The following TBXA2R variants were observed in gnomAD, a reference collection of about 807,000 sequenced individuals.
TBXA2R encodes the protein prostanoid TP receptor.
TBXA2R carries 15 observed loss-of-function variants against 15.6 expected under a neutral mutation model. The observed-to-expected ratio is 0.96, with a 90% CI of 0.64 to 1.48. TBXA2R has a LOEUF of 1.48. Ranked by LOEUF, TBXA2R falls within the 40% of genes most tolerant of loss-of-function variation. The pLI, the probability that TBXA2R is intolerant of heterozygous loss-of-function variation, is 0.00. For missense variants in TBXA2R, 506 were observed against 491.4 expected, an observed-to-expected ratio of 1.03 and a Z score of -0.28; for synonymous variants, 280 against 241.2, an observed-to-expected ratio of 1.16 and a Z score of -1.49.
At position 3,600,552 on chromosome 19, in the gene TBXA2R, G is replaced by A; in HGVS notation, c.83C>T (p.Pro28Leu). Residue 28 changes from proline to leucine, a missense_variant, in exon 2 of 3, where the codon CCC becomes CTC. By Grantham distance (98) the Pro-to-Leu change is moderately conservative (BLOSUM62 -3). Coordinates refer to ENST00000375190, the MANE Select transcript of TBXA2R (RefSeq NM_001060.6). ...TLEERRLIAS[P>L]WFAASFCVVG... ...CACGCAGAAGGAGGCGGCGAACCAG[G>A]GCGAGGCGATCAGCCGTCTCTCCTC... 1 of 1,611,978 alleles carries A rather than the reference G, an allele frequency of 6.2e-7. No individual in the cohort carries two copies. Among genetic ancestry groups the A allele is most frequent in the Non-Finnish European group, 8.5e-7 (1 of 1,179,048 alleles).
chr19:3,604,501 C>A (rs28663423), intron 1 of TBXA2R, among the ~76,000 whole-genome samples: 2 of 152,080 alleles, frequency 1.3e-5, no homozygotes, highest in Admixed American at 1.3e-4. Flanking sequence ...CCCTGGAGCA[C>A]GTCACCTCAT....
chr19:3,603,175 T>C (rs1430766501), intron 1 of TBXA2R, among the ~76,000 whole-genome samples: 3 of 152,218 alleles, frequency 2.0e-5, no homozygotes, highest in Non-Finnish European at 2.9e-5. Flanking sequence ...AGCTAACGCA[T>C]TCCAGGGCGG....
Position 3,600,413 on chromosome 19 carries a change from G to C in TBXA2R, c.222C>G (p.Asp74Glu). 6.2e-7 allele frequency: 1 copy of C among 1,613,426 alleles called. No individual in the cohort carries two copies. Among genetic ancestry groups the C allele is most frequent in the Non-Finnish European group, 8.5e-7 (1 of 1,179,750 alleles). Residue 74 changes from aspartate (D) to glutamate (E), a missense_variant, in exon 2 of 3, where the codon GAC becomes GAG. By Grantham distance (45) the Asp-to-Glu change is conservative (BLOSUM62 2). Coordinates refer to ENST00000375190, the MANE Select transcript of TBXA2R (RefSeq NM_001060.6). ...LTFLCGLVLT[D>E]FLGLLVTGTI... Reference sequence around the variant, plus strand: ...TACCGGTCACCAGCAGCCCCAGGAAGTCGGTGAGGACGAGGCCGCAGAGGA... The same window carrying C: ...TACCGGTCACCAGCAGCCCCAGGAACTCGGTGAGGACGAGGCCGCAGAGGA...
chr19:3,594,952 C>T lies in TBXA2R; in HGVS notation c.*736G>A, dbSNP rs191226440. The stretch of plus-strand genomic sequence containing the variant: ...ATGCAAGGCCGGGCGCAGTGGCTTA[C>T]GCCTGTAATCCCAGCTGCTCGGGAG... On this transcript the variant is annotated 3_prime_UTR_variant, in exon 3 of 3. Transcript: ENST00000375190. The T allele has an allele frequency of 1.7e-4, 265 of 1,535,682 alleles. No individual in the cohort carries two copies. The highest frequency in any genetic ancestry group is 2.1e-4 in the Non-Finnish European group (239 of 1,146,586).
At chr19:3,601,098 C>T (rs1026026012) in intron 1 of TBXA2R, among the ~76,000 whole-genome samples, 1 of 151,236 alleles carries the variant, frequency 6.6e-6, no homozygotes, top group Non-Finnish European at 1.5e-5. Flanking sequence ...AAGAAATAAA[C>T]CCTGAAATCC....
chr19:3,598,631 C>A (rs1373692413), intron 2 of TBXA2R, among the ~76,000 whole-genome samples: 1 of 151,308 alleles, frequency 6.6e-6, no homozygotes, highest in African/African-American at 2.4e-5. Flanking sequence ...GGATTACAGA[C>A]ATGAGCCACC....
intron 1 of TBXA2R, 115 bp from the exon 2 acceptor site, chr19:3,600,832 T>A: frequency 1.6e-6 from 1 of 609,872 alleles, no homozygotes; most frequent in South Asian, 2.0e-5. Flanking sequence ...TCCGGTTTTT[T>A]TTTTTTTTTT....
chr19:3,605,514 G>A (rs1199521366), intron 1 of TBXA2R, among the ~76,000 whole-genome samples: 1 of 151,156 alleles, frequency 6.6e-6, no homozygotes, highest in Non-Finnish European at 1.5e-5. Context: ...CACACAGGCA[G>A]AAATGTGACA....
intron 1 of TBXA2R, among the ~76,000 whole-genome samples, chr19:3,603,041 A>C (rs536278648): frequency 8.1e-4 from 124 of 152,216 alleles, no homozygotes; most frequent in African/African-American, 2.9e-3. Flanking sequence ...ATCTCAAAAA[A>C]AAAAAAAAAG....
At chr19:3,597,610 G>A (rs1267289831) in intron 2 of TBXA2R, among the ~76,000 whole-genome samples, 2 of 150,718 alleles carry the variant, frequency 1.3e-5, no homozygotes, top group African/African-American at 4.9e-5. Context: ...CAGCCTGGGT[G>A]ACACATCGAA....
At chr19:3,604,221 A>T (rs2032788801) in intron 1 of TBXA2R, among the ~76,000 whole-genome samples, 1 of 151,754 alleles carries the variant, frequency 6.6e-6, no homozygotes, top group South Asian at 2.1e-4. Flanking sequence ...GGTTCCAGAA[A>T]TCTCTGTCTT....
chr19:3,602,907 G>T (rs1324258914), intron 1 of TBXA2R, among the ~76,000 whole-genome samples: 1 of 151,430 alleles, frequency 6.6e-6, no homozygotes, highest in African/African-American at 2.4e-5. Context: ...GTGGTGGCGG[G>T]CGCCCGTAGT....
intron 2 of TBXA2R, among the ~76,000 whole-genome samples, chr19:3,596,358 G>A (rs979445700): frequency 1.3e-5 from 2 of 152,064 alleles, no homozygotes; most frequent in Admixed American, 1.3e-4. Context: ...GCATTGCTGG[G>A]TGACCTCAGG....
intron 2 of TBXA2R, among the ~76,000 whole-genome samples, chr19:3,597,577 G>A (rs2032627136): frequency 6.6e-6 from 1 of 151,908 alleles, no homozygotes; most frequent in Non-Finnish European, 1.5e-5. Context: ...GTTGCAGTGA[G>A]CTAAAATTGT....
intron 1 of TBXA2R, among the ~76,000 whole-genome samples, chr19:3,602,960 C>T (rs1357880501): frequency 2.0e-5 from 3 of 151,374 alleles, no homozygotes; most frequent in Admixed American, 6.6e-5. Flanking sequence ...GGTGTGAACC[C>T]GGGAGGTGGA....
chr19:3,600,494 G>C lies in TBXA2R; in HGVS notation c.141C>G (p.Ser47Arg), dbSNP rs2032713349. ...VGLASNLLAL[S>R]VLAGARQGGS... is the part of the protein sequence containing the mutation. The stretch of plus-strand genomic sequence containing the variant: ...CCCCCTGCCGCGCGCCCGCCAGCAC[G>C]CTCAGGGCCAGCAGGTTGGAGGCCA... Residue 47 changes from serine (S) to arginine (R), a missense_variant, in exon 2 of 3, where the codon AGC (serine) becomes AGG (arginine). By Grantham distance (110) the Ser-to-Arg change is moderately radical. Transcript: ENST00000375190. 11 of 1,612,822 alleles carry C rather than the reference G, an allele frequency of 6.8e-6. No homozygotes were observed. The highest frequency in any genetic ancestry group is 1.1e-5 in the South Asian group (1 of 91,032).
In TBXA2R at chr19:3,595,528, G is replaced by A. The variant is rs1245791407; in HGVS notation, c.*160C>T. 3 of 1,434,608 alleles carry A rather than the reference G, an allele frequency of 2.1e-6. No individual in the cohort carries two copies. The highest frequency in any genetic ancestry group is 1.5e-5 in the South Asian group (1 of 66,778). The allele number at this position is 1,434,608 out of a possible 1,614,324, so 88.9% of individuals were successfully genotyped here. A position where few individuals can be genotyped will look rare whatever the true frequency, so the allele number is the denominator to read the frequency against. Reference sequence around the variant, plus strand: ...TGGTAAAAGGATCAGGGAGGAGTTGGGGGTCCCCGGGTTGGATTGGGGTCA... The same window carrying A: ...TGGTAAAAGGATCAGGGAGGAGTTGAGGGTCCCCGGGTTGGATTGGGGTCA... On this transcript the variant is annotated 3_prime_UTR_variant, in exon 3 of 3. Coordinates refer to ENST00000375190, the MANE Select transcript of TBXA2R (RefSeq NM_001060.6).
Position 3,600,344 on chromosome 19 carries a change from G to A in TBXA2R, c.291C>T (p.Ala97=). Residue 97 remains alanine (A), a synonymous_variant, in exon 2 of 3, where the codon GCC becomes GCT. Transcript: ENST00000375190. Reference sequence around the variant, plus strand: ...GACAGAGACGGCAGCCAGGGTCCACGGCGTGCCACTCGAAGAGCGCGGCGT... The same window carrying A: ...GACAGAGACGGCAGCCAGGGTCCACAGCGTGCCACTCGAAGAGCGCGGCGT... ...SQHAALFEWH[A]VDPGCRLCRF... 2 of 1,613,264 alleles carry A rather than the reference G, an allele frequency of 1.2e-6. No individual in the cohort carries two copies. The highest frequency in any genetic ancestry group is 2.2e-5 in the East Asian group (1 of 44,884).
Position 3,600,412 on chromosome 19 carries a change from A to AGTCG in TBXA2R, c.219_222dup (p.Phe75ArgfsTer317), listed in dbSNP as rs1225344436. On this transcript the variant is annotated frameshift_variant, in exon 2 of 3. Transcript: ENST00000375190. LOFTEE classifies it high-confidence loss of function. Reference sequence around the variant, plus strand: ...GTACCGGTCACCAGCAGCCCCAGGAAGTCGGTGAGGACGAGGCCGCAGAGG... The same window carrying AGTCG: ...GTACCGGTCACCAGCAGCCCCAGGAAGTCGGTCGGTGAGGACGAGGCCGCAGAGG... 1 of 1,613,368 alleles carries AGTCG rather than the reference A, an allele frequency of 6.2e-7. No homozygotes were observed. The highest frequency in any genetic ancestry group is 1.3e-5 in the African/African-American group (1 of 75,030).
Sources: allele counts gnomAD v4.1 joint callset (sites outside exome capture counted in the v4.1 genomes callset), GRCh38; gene constraint gnomAD v4.1.1; transcripts MANE v1.5; gene names NCBI Gene and HGNC (gene_info 2026-07-23, HGNC 2026-07-21).